CTNNA2: variants seen among roughly 807,000 people sequenced by gnomAD.
CTNNA2 encodes catenin alpha-2.
CTNNA2 carries 42 observed loss-of-function variants against 101.0 expected under a neutral mutation model. That is an observed-to-expected ratio of 0.42 (90% CI 0.32 to 0.54). The LOEUF (loss-of-function observed/expected upper bound fraction) is 0.54, where lower values mean the gene tolerates loss of function less well. Among genes scored for constraint, CTNNA2 ranks in the 20% least tolerant of loss-of-function variants. CTNNA2 has a pLI of 0.14. For synonymous variants in CTNNA2, 450 were observed against 456.4 expected (o/e 0.99, Z 0.18); for missense variants, 871 against 1,223.1 (o/e 0.71, Z 4.29).
intron 2 of CTNNA2, among the ~76,000 whole-genome samples, chr2:79,716,101 G>C (rs553932093): frequency 6.6e-6 from 1 of 151,988 alleles, no homozygotes; most frequent in African/African-American, 2.4e-5. Flanking sequence ...CCTAGATGAC[G>C]TAGTGAACTA....
chr2:79,653,368 C>T (rs1681391760), intron 2 of CTNNA2, among the ~76,000 whole-genome samples: 2 of 152,098 alleles, frequency 1.3e-5, no homozygotes, highest in Admixed American at 6.6e-5. Context: ...ATGGTGTTAC[C>T]ACCGTTGTAG....
intron 9 of CTNNA2, among the ~76,000 whole-genome samples, chr2:80,460,781 G>A (rs1395384731): frequency 3.3e-5 from 5 of 152,076 alleles, no homozygotes; most frequent in African/African-American, 1.2e-4. Flanking sequence ...GATAAATGGA[G>A]GATATCCTTC....
intron 1 of CTNNA2, among the ~76,000 whole-genome samples, chr2:79,542,011 A>G (rs1222624301): frequency 3.3e-5 from 5 of 152,164 alleles, no homozygotes; most frequent in Non-Finnish European, 7.4e-5. Context: ...AATGCTTTCA[A>G]CTGAGAGCTT....
intron 7 of CTNNA2, among the ~76,000 whole-genome samples, chr2:80,124,357 C>T (rs1702003820): frequency 6.6e-6 from 1 of 152,108 alleles, no homozygotes; most frequent in South Asian, 2.1e-4. Context: ...CACCTTGCCT[C>T]ATTAGATCCT....
chr2:79,527,645 G>A (rs1315442641), intron 1 of CTNNA2, among the ~76,000 whole-genome samples: 1 of 151,504 alleles, frequency 6.6e-6, no homozygotes, highest in African/African-American at 2.4e-5. Context: ...TTTAATAAAC[G>A]TTGGTGAGAA....
At chr2:79,997,921 A>G (rs1378363520) in intron 7 of CTNNA2, among the ~76,000 whole-genome samples, 3 of 152,222 alleles carry the variant, frequency 2.0e-5, no homozygotes. Context: ...CCAAAGAGAT[A>G]GTGCTTTCCT....
At chr2:80,430,736 A>G (rs1681417458) in intron 9 of CTNNA2, among the ~76,000 whole-genome samples, 1 of 152,108 alleles carries the variant, frequency 6.6e-6, no homozygotes, top group Admixed American at 6.6e-5. Flanking sequence ...AGAAGGTTAC[A>G]TTTCATGTTG....
At position 80,393,394 on chromosome 2, in the gene CTNNA2, T is replaced by C. The variant is rs1056066134; in HGVS notation, c.1137+103T>C. On this transcript the variant is annotated intron_variant, in intron 8 of 18. Coordinates refer to ENST00000402739, the MANE Select transcript of CTNNA2 (RefSeq NM_001282597.3). The stretch of plus-strand genomic sequence containing the variant: ...CTTGGAGATGACAATGAGGTTGTTA[T>C]TCTTTATAACATTTACATATACAAA... 3 of 827,490 alleles carry C rather than the reference T, an allele frequency of 3.6e-6. No homozygotes were observed. In the African/African-American group the frequency reaches 5.3e-5, roughly 14 times the overall value. 51.3% of individuals were successfully genotyped at this position (827,490 alleles called of 1,614,324 possible).
At chr2:79,643,971 T>A (rs1680625368) in intron 1 of CTNNA2, among the ~76,000 whole-genome samples, 1 of 152,130 alleles carries the variant, frequency 6.6e-6, no homozygotes, top group Non-Finnish European at 1.5e-5. Context: ...CCGTCTTACA[T>A]CCTCTTCTGC....
intron 7 of CTNNA2, among the ~76,000 whole-genome samples, chr2:80,239,416 T>C (rs193254482): frequency 0.015 from 2,306 of 152,268 alleles, 32 homozygotes; most frequent in Non-Finnish European, 0.021. Flanking sequence ...TGTGGGCATA[T>C]GTATAAATAT....
chr2:79,872,865 TA>T (rs58302287), intron 5 of CTNNA2, among the ~76,000 whole-genome samples: 38,064 of 152,030 alleles, frequency 0.25, 7,540 homozygotes, highest in East Asian at 0.67. Flanking sequence ...CTCCCAGAGA[TA>T]ACACAGCTGG....
At chr2:80,366,563 A>G (rs996866924) in intron 7 of CTNNA2, among the ~76,000 whole-genome samples, 1 of 152,134 alleles carries the variant, frequency 6.6e-6, no homozygotes, top group South Asian at 2.1e-4. Context: ...AGGCTGTCAC[A>G]TGGTTATTTA....
At chr2:80,292,294 A>G (rs957230829) in intron 7 of CTNNA2, among the ~76,000 whole-genome samples, 1 of 152,192 alleles carries the variant, frequency 6.6e-6, no homozygotes, top group African/African-American at 2.4e-5. Context: ...CATTTTATAG[A>G]TGAAGGAACT....
chr2:79,449,895 G>T (rs775703532), intron 4 of CTNNA2, among the ~76,000 whole-genome samples: 14 of 152,010 alleles, frequency 9.2e-5, no homozygotes, highest in Non-Finnish European at 1.9e-4. Context: ...CAGGATTGGG[G>T]TTTAAAGGAT....
intron 1 of CTNNA2, among the ~76,000 whole-genome samples, chr2:79,515,061 G>A (rs1409773281): frequency 6.6e-6 from 1 of 152,176 alleles, no homozygotes; most frequent in Non-Finnish European, 1.5e-5. Context: ...CTGGGGAAGT[G>A]TGTAATATTA....
intron 7 of CTNNA2, among the ~76,000 whole-genome samples, chr2:80,260,677 G>A (rs528652225): frequency 4.6e-5 from 7 of 152,270 alleles, no homozygotes; most frequent in Non-Finnish European, 1.0e-4. Flanking sequence ...CTGAGAAATC[G>A]TCAAGTTCTC....
chr2:79,217,934 C>T (rs1391809352), intron 2 of CTNNA2, among the ~76,000 whole-genome samples: 1 of 152,154 alleles, frequency 6.6e-6, no homozygotes, highest in African/African-American at 2.4e-5. Flanking sequence ...AGGTACGGAG[C>T]ACATGCTTAA....
At chr2:80,037,716 T>A (rs992615977) in intron 7 of CTNNA2, among the ~76,000 whole-genome samples, 4 of 152,208 alleles carry the variant, frequency 2.6e-5, no homozygotes, top group African/African-American at 9.6e-5. Flanking sequence ...GTTCAATAAA[T>A]GTTAGCTTTT....
chr2:80,422,315 A>G (rs1282086756), intron 9 of CTNNA2, among the ~76,000 whole-genome samples: 1 of 152,164 alleles, frequency 6.6e-6, no homozygotes, highest in Non-Finnish European at 1.5e-5. Context: ...CACCTCCACG[A>G]TTCAGTTATC....
Sources: allele counts gnomAD v4.1 joint callset (sites outside exome capture counted in the v4.1 genomes callset), GRCh38; gene constraint gnomAD v4.1.1; transcripts MANE v1.5; gene names NCBI Gene and HGNC (gene_info 2026-07-23, HGNC 2026-07-21).